Variants in THSD7B observed in about 807,000 individuals in gnomAD.
THSD7B encodes the protein thrombospondin type 1 domain containing 7B, also known as thrombospondin type-1 domain-containing protein 7B.
Under a neutral mutation model 213.6 loss-of-function variants are expected in THSD7B, and 138 were observed. The ratio of observed to expected loss-of-function variants is 0.65; its 90% CI spans 0.56 to 0.74. The LOEUF is 0.74. Among genes scored for constraint, THSD7B ranks in the 30% least tolerant of loss-of-function variants. THSD7B has a pLI of 0.00. For synonymous variants in THSD7B, 742 were observed against 687.0 expected (o/e 1.08, Z -1.25); for missense variants, 1,931 against 1,991.5 (o/e 0.97, Z 0.58).
At chr2:137,124,569 G>C (rs67702173) in intron 5 of THSD7B, among the ~76,000 whole-genome samples, 49,375 of 151,976 alleles carry the variant, frequency 0.32, 10,039 homozygotes, top group Non-Finnish European at 0.45. Context: ...CAGGGGAAAG[G>C]GGGGAGGGAT....
At chr2:136,884,972 A>G (rs1683691362) in intron 2 of THSD7B, among the ~76,000 whole-genome samples, 1 of 152,184 alleles carries the variant, frequency 6.6e-6, no homozygotes, top group South Asian at 2.1e-4. Flanking sequence ...ATAACCTTTG[A>G]AGACAACATC....
intron 25 of THSD7B, among the ~76,000 whole-genome samples, chr2:137,662,046 A>C (rs1446070944): frequency 6.7e-6 from 1 of 149,762 alleles, no homozygotes; most frequent in Non-Finnish European, 1.5e-5. Context: ...CACCAGCTTC[A>C]GGTGTTTTCT....
chr2:136,876,684 G>T (rs931186604), intron 1 of THSD7B, among the ~76,000 whole-genome samples: 26 of 152,316 alleles, frequency 1.7e-4, no homozygotes, highest in African/African-American at 6.0e-4. Context: ...TAGTGTATGT[G>T]TGTGTATGTG....
At position 136,807,508 on chromosome 2, in the gene THSD7B, C is replaced by CTTTTTTTTTTTT. The variant is rs1314267493; in HGVS notation, c.-36+41821_-36+41822insTTTTTTTTTTTT. Among the ~76,000 whole-genome samples the CTTTTTTTTTTTT allele has an allele frequency of 5.6e-3, 276 of 49,466 alleles. 22 individuals carry two copies. Among genetic ancestry groups the CTTTTTTTTTTTT allele is most frequent in the African/African-American group, 0.021 (251 of 11,794 alleles). 32.5% of individuals were successfully genotyped at this position (49,466 alleles called of 152,430 possible). A position where few individuals can be genotyped will look rare whatever the true frequency, so the allele number is the denominator to read the frequency against. On this transcript the variant is annotated intron_variant, in intron 1 of 27. Transcript: ENST00000409968. Reference sequence around the variant, plus strand: ...TACTTCCTAGCACTACAAAATGTTTCGTTTTTTTTTTTTTTTTGAGACGGA... The same window carrying CTTTTTTTTTTTT: ...TACTTCCTAGCACTACAAAATGTTTCTTTTTTTTTTTTGTTTTTTTTTTTTTTTTGAGACGGA...
chr2:137,458,995 C>A (rs1687825937), intron 15 of THSD7B, among the ~76,000 whole-genome samples: 1 of 152,026 alleles, frequency 6.6e-6, no homozygotes. Flanking sequence ...CAAACTAGAT[C>A]CTGTCCAGAC....
intron 15 of THSD7B, among the ~76,000 whole-genome samples, chr2:137,453,841 A>G (rs1401798297): frequency 6.6e-6 from 1 of 152,204 alleles, no homozygotes; most frequent in Non-Finnish European, 1.5e-5. Flanking sequence ...TGGATTCCAC[A>G]TGTAAGTGAA....
intron 12 of THSD7B, among the ~76,000 whole-genome samples, chr2:137,368,373 A>C (rs2104946084): frequency 6.6e-6 from 1 of 152,012 alleles, no homozygotes; most frequent in South Asian, 2.1e-4. Flanking sequence ...TTTTTTAAAA[A>C]GTGTTAATCA....
At chr2:136,923,744 A>AGTGACCTTGAT in intron 2 of THSD7B, among the ~76,000 whole-genome samples, 1 of 152,086 alleles carries the variant, frequency 6.6e-6, no homozygotes, top group Non-Finnish European at 1.5e-5. Context: ...TTGGCTATTC[A>AGTGACCTTGAT]TATGTCTCTT....
intron 2 of THSD7B, among the ~76,000 whole-genome samples, chr2:136,961,820 T>C (rs13426282): frequency 0.073 from 11,039 of 152,196 alleles, 637 homozygotes; most frequent in African/African-American, 0.15. Context: ...AGCAAGGGAA[T>C]GGGGAACTAA....
At chr2:137,170,634 G>T in intron 6 of THSD7B, 107 bp from the exon 7 acceptor site, 1 of 1,013,806 alleles carries the variant, frequency 9.9e-7, no homozygotes, top group South Asian at 1.7e-5. Flanking sequence ...TACGTGCTTA[G>T]AGCGATGAGT....
At chr2:137,630,439 C>A (rs543310284) in intron 20 of THSD7B, among the ~76,000 whole-genome samples, 65 of 152,204 alleles carry the variant, frequency 4.3e-4, no homozygotes, top group Non-Finnish European at 8.8e-4. Flanking sequence ...CCCCAAACTT[C>A]TTCCCCATTC....
At chr2:137,060,905 T>C (rs898407512) in intron 3 of THSD7B, among the ~76,000 whole-genome samples, 1 of 151,898 alleles carries the variant, frequency 6.6e-6, no homozygotes, top group East Asian at 1.9e-4. Context: ...AGATTTTGAT[T>C]GGGATTGCAT....
intron 1 of THSD7B, among the ~76,000 whole-genome samples, chr2:136,776,539 C>T (rs1391796034): frequency 6.6e-6 from 1 of 152,072 alleles, no homozygotes; most frequent in Non-Finnish European, 1.5e-5. Flanking sequence ...GACTCAAATC[C>T]TTATAATCTA....
chr2:137,569,048 A>C (rs1183110743), intron 16 of THSD7B, among the ~76,000 whole-genome samples: 1 of 152,224 alleles, frequency 6.6e-6, no homozygotes, highest in Non-Finnish European at 1.5e-5. Context: ...ATGTATTCAC[A>C]GGATTTTTAA....
chr2:137,282,802 C>T (rs1683060402), intron 12 of THSD7B, among the ~76,000 whole-genome samples: 1 of 152,192 alleles, frequency 6.6e-6, no homozygotes, highest in African/African-American at 2.4e-5. Context: ...GTTTTGGTTA[C>T]TGTAGCCTTG....
rs1310363663 is a variant in THSD7B, at chr2:136,833,267, AG to A, written c.-35-48875del. On this transcript the variant is annotated intron_variant, in intron 1 of 27. Transcript: ENST00000409968. ...GTAGTCCCAGCTACTCGGGAGGCTG[AG>A]GCAGGAGAATGGTGTTAACCTGGGA... Among the ~76,000 whole-genome samples the A allele has an allele frequency of 2.0e-4, 27 of 132,856 alleles. No individual in the cohort carries two copies. The Admixed American group carries it at 2.2e-3, about 11-fold the overall frequency. 87.2% of individuals were successfully genotyped at this position (132,856 alleles called of 152,430 possible). A position where few individuals can be genotyped will look rare whatever the true frequency, so the allele number is the denominator to read the frequency against.
rs571615461 is a variant in THSD7B at position 136,768,657 on chromosome 2, G to A, written c.-36+2970G>A. ...AGAATAGCACTATTAAGGCTTCAGAGATGCTCTACAGACAAAGCATAAAGG... is the reference window on the plus strand; with the variant it reads ...AGAATAGCACTATTAAGGCTTCAGAAATGCTCTACAGACAAAGCATAAAGG... On this transcript the variant is annotated intron_variant, in intron 1 of 27. Coordinates refer to ENST00000409968, the MANE Select transcript of THSD7B (RefSeq NM_001316349.2). Among the ~76,000 whole-genome samples the A allele has an allele frequency of 2.6e-5, 4 of 152,302 alleles. No individual in the cohort carries two copies. In the South Asian group the frequency reaches 6.2e-4, roughly 24 times the overall value.
At chr2:137,132,170 G>C (rs1004059277) in intron 5 of THSD7B, among the ~76,000 whole-genome samples, 5 of 150,712 alleles carry the variant, frequency 3.3e-5, no homozygotes, top group African/African-American at 1.2e-4. Context: ...CTCATGATTT[G>C]GCTCTCTGTT....
chr2:137,281,380 A>G lies in THSD7B; in HGVS notation c.2500+5354A>G, dbSNP rs184140402. On this transcript the variant is annotated intron_variant, in intron 12 of 27. Transcript: ENST00000409968. ...ATTTATTTATTTATTTTTTTACTGG[A>G]TGATAATGTGACTTTATTTTTCTTA... 2.5e-3 allele frequency among the ~76,000 whole-genome samples: 385 copies of G among 151,776 alleles called. 3 individuals carry two copies. The highest frequency in any genetic ancestry group is 4.3e-3 in the Non-Finnish European group (295 of 67,902).
Sources: gnomAD v4.1 joint callset for allele counts (sites outside exome capture counted in the v4.1 genomes callset) on GRCh38, gnomAD v4.1.1 for gene constraint, MANE v1.5 for transcripts, NCBI Gene and HGNC (gene_info 2026-07-23, HGNC 2026-07-21) for gene names.